EPB41: variants seen among roughly 807,000 people sequenced by gnomAD.
EPB41 encodes the protein protein 4.1.
In EPB41, 65 loss-of-function variants were observed where a neutral mutation model predicts 108.0. That is an observed-to-expected ratio of 0.60 (90% CI 0.49 to 0.74). The LOEUF (loss-of-function observed/expected upper bound fraction) is 0.74, where lower values mean the gene tolerates loss of function less well. Among genes scored for constraint, EPB41 ranks in the 30% least tolerant of loss-of-function variants. EPB41 has a pLI of 0.00. For missense variants in EPB41, 875 were observed against 1,037.0 expected (o/e 0.84, Z 2.15); for synonymous variants, 336 against 358.9 (o/e 0.94, Z 0.72).
chr1:28,992,197 T>G (rs1182797178), intron 2 of EPB41, among the ~76,000 whole-genome samples: 1 of 152,134 alleles, frequency 6.6e-6, no homozygotes, highest in African/African-American at 2.4e-5. Flanking sequence ...GAAGGAGTCT[T>G]TTAGATTACT....
chr1:29,004,900 A>AT lies in EPB41; in HGVS notation c.787-6965_787-6964insT, dbSNP rs201528560. Among the ~76,000 whole-genome samples the AT allele has an allele frequency of 6.4e-3, 978 of 152,306 alleles. 12 individuals carry two copies. The highest frequency in any genetic ancestry group is 0.027 in the Middle Eastern group (8 of 294). On this transcript the variant is annotated intron_variant, in intron 4 of 20. Coordinates refer to ENST00000343067, the MANE Select transcript of EPB41 (RefSeq NM_001376013.1). ...AGCTGTACAAAAGTCTTTTACCTCAAAAGACAAGGATTTGTATAAATCTCT... is the reference window on the plus strand; with the variant it reads ...AGCTGTACAAAAGTCTTTTACCTCAATAAGACAAGGATTTGTATAAATCTCT...
intron 18 of EPB41, among the ~76,000 whole-genome samples, chr1:29,111,583 A>G (rs1157003514): frequency 6.6e-6 from 1 of 151,792 alleles, no homozygotes; most frequent in African/African-American, 2.4e-5. Flanking sequence ...AACCCAGTAG[A>G]CAGAGCTTGC....
At chr1:29,028,738 C>T (rs1050266563) in intron 7 of EPB41, among the ~76,000 whole-genome samples, 2 of 152,154 alleles carry the variant, frequency 1.3e-5, no homozygotes, top group East Asian at 3.8e-4. Flanking sequence ...AAGCTCCTTT[C>T]CAGCTTCAAA....
At chr1:29,015,886 T>C in intron 6 of EPB41, 119 bp downstream of exon 6, 1 of 700,818 alleles carries the variant, frequency 1.4e-6, no homozygotes, top group Non-Finnish European at 2.5e-6. Context: ...AAAATAATGA[T>C]ATTAAGTAGC....
In EPB41 at chr1:29,119,816, G is replaced by A. The variant is rs1054159646; in HGVS notation, c.*3004G>A. 5.6e-5 allele frequency: 3 copies of A among 53,522 alleles called. No homozygotes were observed. The highest frequency in any genetic ancestry group is 1.8e-4 in the Non-Finnish European group (3 of 16,732). The allele number at this position is 53,522 out of a possible 1,614,324, so 3.3% of individuals were successfully genotyped here. On this transcript the variant is annotated 3_prime_UTR_variant, in exon 21 of 21. Transcript: ENST00000343067. ...TTGGTGACAAAAATGAAGGAGCTTT[G>A]TAAATTTTTTTTAAAATTATGAATC... is the stretch of plus-strand genomic sequence containing the variant.
rs1491193201 is a variant in EPB41 at position 28,935,468 on chromosome 1, C to CACACACACACACACACA, written c.-8+20700_-8+20701insACACACACACACACACA. On this transcript the variant is annotated intron_variant, in intron 1 of 20. Coordinates refer to ENST00000343067, the MANE Select transcript of EPB41 (RefSeq NM_001376013.1). ...ACACACACACACACACACACACACA[C>CACACACACACACACACA]CCCCCCCCCCCCAAGATCTACGCAC... Among the ~76,000 whole-genome samples the CACACACACACACACACA allele has an allele frequency of 2.9e-3, 121 of 42,184 alleles. 8 individuals are homozygous for CACACACACACACACACA. Among genetic ancestry groups the CACACACACACACACACA allele is most frequent in the South Asian group, 0.012 (9 of 744 alleles). The allele number at this position is 42,184 out of a possible 152,430, so 27.7% of individuals were successfully genotyped here.
rs1442887619 is a variant in EPB41 at position 28,971,212 on chromosome 1, G to A, written c.-7-16219G>A. Among the ~76,000 whole-genome samples the A allele has an allele frequency of 5.5e-5, 5 of 91,532 alleles. No individual in the cohort carries two copies. In the Admixed American group the frequency reaches 8.5e-4, roughly 15 times the overall value. 60.0% of individuals were successfully genotyped at this position (91,532 alleles called of 152,430 possible). ...TTTTTTTTTTTTTTTTTGGGACAGTGTCCCTCTGTCGCCCAGGCTGGAGTG... is the reference window on the plus strand; with the variant it reads ...TTTTTTTTTTTTTTTTTGGGACAGTATCCCTCTGTCGCCCAGGCTGGAGTG... On this transcript the variant is annotated intron_variant, in intron 1 of 20. Transcript: ENST00000343067.
At chr1:28,890,000 ATTTTATTTTATTTTTATTTTTAT>A (rs1221689161) in intron 1 of EPB41, 7 of 143,824 alleles carry the variant, frequency 4.9e-5, no homozygotes, top group South Asian at 4.8e-4. Flanking sequence ...AGATTCTGAT[ATTTTATTTTATTTTTATTTTTAT>A]TTTTATTTTA....
At chr1:29,013,556 C>T (rs376199630) in intron 5 of EPB41, among the ~76,000 whole-genome samples, 1 of 151,978 alleles carries the variant, frequency 6.6e-6, no homozygotes, top group African/African-American at 2.4e-5. Context: ...GATGGAGTTT[C>T]GCTCTTGTTG....
intron 17 of EPB41, among the ~76,000 whole-genome samples, chr1:29,100,711 CAT>C (rs975228797): frequency 2.0e-4 from 29 of 144,950 alleles, no homozygotes; most frequent in Non-Finnish European, 1.5e-4. Flanking sequence ...TTTAATACAA[CAT>C]ATAATTATAT....
intron 4 of EPB41, among the ~76,000 whole-genome samples, chr1:29,001,401 C>T (rs2096291084): frequency 6.6e-6 from 1 of 152,080 alleles, no homozygotes; most frequent in Non-Finnish European, 1.5e-5. Flanking sequence ...GTTTTATATA[C>T]AGCTGTCCCT....
At chr1:29,034,827 T>A (rs1285172795) in intron 9 of EPB41, among the ~76,000 whole-genome samples, 1 of 152,164 alleles carries the variant, frequency 6.6e-6, no homozygotes, top group Non-Finnish European at 1.5e-5. Flanking sequence ...AACAATGTAT[T>A]GTTCTCTTGA....
At chr1:28,942,282 A>T (rs1334829076) in intron 1 of EPB41, among the ~76,000 whole-genome samples, 1 of 152,108 alleles carries the variant, frequency 6.6e-6, no homozygotes, top group Non-Finnish European at 1.5e-5. Context: ...CAGATCCCAC[A>T]GGTTGAGGGC....
chr1:29,102,962 G>A (rs1665951555), intron 17 of EPB41, among the ~76,000 whole-genome samples: 1 of 151,988 alleles, frequency 6.6e-6, no homozygotes, highest in Non-Finnish European at 1.5e-5. Flanking sequence ...TAGTAGAGAC[G>A]GGGTTTCACC....
At chr1:29,005,290 C>G (rs1258834112) in intron 4 of EPB41, among the ~76,000 whole-genome samples, 1 of 152,032 alleles carries the variant, frequency 6.6e-6, no homozygotes, top group African/African-American at 2.4e-5. Context: ...TGTGAGAACT[C>G]TTATCATGAG....
intron 7 of EPB41, among the ~76,000 whole-genome samples, chr1:29,025,129 T>C (rs1311518284): frequency 6.6e-6 from 1 of 152,072 alleles, no homozygotes; most frequent in Non-Finnish European, 1.5e-5. Context: ...ATTAACACTT[T>C]AAATTTACAC....
At chr1:28,956,850 C>T (rs967205859) in intron 1 of EPB41, among the ~76,000 whole-genome samples, 1 of 152,120 alleles carries the variant, frequency 6.6e-6, no homozygotes, top group African/African-American at 2.4e-5. Context: ...TAATAGAGGA[C>T]ACAGTAGAGT....
chr1:28,914,962 C>A (rs1304822376), intron 1 of EPB41, among the ~76,000 whole-genome samples, 194 bp downstream of exon 1: 1 of 151,698 alleles, frequency 6.6e-6, no homozygotes, highest in Non-Finnish European at 1.5e-5. Context: ...GGGACGCGGC[C>A]CGAGGAGCGA....
intron 1 of EPB41, among the ~76,000 whole-genome samples, chr1:28,893,215 G>A (rs1039101342): frequency 6.6e-5 from 10 of 151,992 alleles, no homozygotes; most frequent in African/African-American, 2.4e-4. Context: ...CTGAGTAGGT[G>A]GGACTCCACC....
Sources: gnomAD v4.1 joint callset for allele counts (sites outside exome capture counted in the v4.1 genomes callset) on GRCh38, gnomAD v4.1.1 for gene constraint, MANE v1.5 for transcripts, NCBI Gene and HGNC (gene_info 2026-07-23, HGNC 2026-07-21) for gene names.